The following CASR variants were observed in gnomAD, a reference collection of about 807,000 sequenced individuals.
CASR encodes the protein calcium sensing receptor.
Under a neutral mutation model 69.1 loss-of-function variants are expected in CASR, and 23 were observed. The ratio of observed to expected loss-of-function variants is 0.33; its 90% CI spans 0.24 to 0.47. The LOEUF is 0.47. Ranked by LOEUF, CASR falls within the 20% of genes least tolerant of loss-of-function variation. The pLI is 1.00. For missense variants in CASR, 924 were observed against 1,356.1 expected (o/e 0.68, Z 5.00); for synonymous variants, 541 against 544.7 (o/e 0.99, Z 0.10).
chr3:122,201,788 G>A (rs1386031500), intron 1 of CASR, among the ~76,000 whole-genome samples: 17 of 150,012 alleles, frequency 1.1e-4, no homozygotes, highest in East Asian at 3.9e-4. Flanking sequence ...ACGGGGCAGC[G>A]GGGCAGAGGT....
intron 1 of CASR, among the ~76,000 whole-genome samples, chr3:122,213,367 C>T (rs936824254): frequency 2.6e-5 from 4 of 152,134 alleles, no homozygotes; most frequent in African/African-American, 9.7e-5. Context: ...CCGTACCCAC[C>T]CAGGAAAACA....
At chr3:122,199,812 C>G (rs1049825328) in intron 1 of CASR, among the ~76,000 whole-genome samples, 1 of 150,056 alleles carries the variant, frequency 6.7e-6, no homozygotes, top group South Asian at 2.1e-4. Flanking sequence ...AGTTCAAGTG[C>G]TCTACAGGAC....
rs955217546 is a variant in CASR, at chr3:122,233,123, A to T, written c.-242-20825A>T. Among the ~76,000 whole-genome samples the T allele has an allele frequency of 2.6e-5, 4 of 152,290 alleles. No individual in the cohort carries two copies. In the East Asian group the frequency reaches 7.7e-4, roughly 29 times the overall value. ...CCTTCTAGACAAGATTTATTAAGATATGGAATCATAGAATTTACCCCTGCT... is the reference window on the plus strand; with the variant it reads ...CCTTCTAGACAAGATTTATTAAGATTTGGAATCATAGAATTTACCCCTGCT... On this transcript the variant is annotated intron_variant, in intron 1 of 6. Transcript: ENST00000639785.
At chr3:122,257,013 C>A in intron 2 of CASR, 68 bp from the exon 3 acceptor site, 1 of 1,347,370 alleles carries the variant, frequency 7.4e-7, no homozygotes, top group Non-Finnish European at 1.1e-6. Context: ...CCCAGCTTTG[C>A]CAGGTCTTTA....
In CASR at chr3:122,287,870, A is replaced by T. The variant is rs2074983649; in HGVS notation, c.*2679A>T. On this transcript the variant is annotated 3_prime_UTR_variant, in exon 7 of 7. Coordinates refer to ENST00000639785, the MANE Select transcript of CASR (RefSeq NM_000388.4). ...ATGTCTACTTGACTGCTGTCTCCCCATGACAGTACACAGAGCTTATGGAGG... is the reference window on the plus strand; with the variant it reads ...ATGTCTACTTGACTGCTGTCTCCCCTTGACAGTACACAGAGCTTATGGAGG... 1 of 152,204 alleles carries T rather than the reference A, an allele frequency of 6.6e-6. No homozygotes were observed. The highest frequency in any genetic ancestry group is 1.5e-5 in the Non-Finnish European group (1 of 68,052). The allele number at this position is 152,204 out of a possible 1,614,324, so 9.4% of individuals were successfully genotyped here. A position where few individuals can be genotyped will look rare whatever the true frequency, so the allele number is the denominator to read the frequency against.
intron 5 of CASR, among the ~76,000 whole-genome samples, chr3:122,281,223 G>A (rs757774266): frequency 4.6e-5 from 7 of 152,174 alleles, no homozygotes; most frequent in Non-Finnish European, 7.4e-5. Flanking sequence ...TGAAATTCTG[G>A]TAAGAACACT....
rs773857816 is a variant in CASR, at chr3:122,290,307, A to T, written c.*5116A>T. ...AATAGGTAAGAGATCAAAGCCCAAG[A>T]ATAAACCCTGGGGTCATTACAGGAT... On this transcript the variant is annotated 3_prime_UTR_variant, in exon 7 of 7. Transcript: ENST00000639785. The T allele has an allele frequency of 1.3e-5, 2 of 152,190 alleles. No homozygotes were observed. The highest frequency in any genetic ancestry group is 2.4e-5 in the African/African-American group (1 of 41,442). 9.4% of individuals were successfully genotyped at this position (152,190 alleles called of 1,614,324 possible).
chr3:122,241,181 A>G (rs900247543), intron 1 of CASR, among the ~76,000 whole-genome samples: 1 of 152,138 alleles, frequency 6.6e-6, no homozygotes, highest in African/African-American at 2.4e-5. Context: ...AATAATAAAG[A>G]TCAGAGCAGA....
chr3:122,211,477 G>A (rs750991614), intron 1 of CASR, among the ~76,000 whole-genome samples: 51 of 152,356 alleles, frequency 3.3e-4, no homozygotes, highest in Non-Finnish European at 6.5e-4. Context: ...GGAGGCCAAG[G>A]CAGGTGGATC....
At chr3:122,248,538 C>A (rs189010089) in intron 1 of CASR, among the ~76,000 whole-genome samples, 1 of 151,390 alleles carries the variant, frequency 6.6e-6, no homozygotes, top group Non-Finnish European at 1.5e-5. Context: ...AGTGTACTCA[C>A]GTTATGGAGA....
intron 1 of CASR, among the ~76,000 whole-genome samples, chr3:122,194,393 T>C (rs887925694): frequency 6.6e-6 from 1 of 152,152 alleles, no homozygotes; most frequent in Admixed American, 6.5e-5. Context: ...GGAACAGCCA[T>C]GGTGAGGACT....
Position 122,254,223 on chromosome 3 carries a change from G to C in CASR, c.34G>C (p.Ala12Pro). ...TTATAGCTGCTGCTGGGTCCTCTTG[G>C]CACTCACCTGGCACACCTCTGCCTA... ...AFYSCCWVLLALTWHTSAYGP... is the reference protein window; with the variant it reads ...AFYSCCWVLLPLTWHTSAYGP... The change falls in exon 2 of 7, where the codon GCA (alanine) becomes CCA (proline). Residue 12 changes from alanine (A) to proline (P), a missense_variant. Physicochemically the swap from Ala to Pro is conservative, Grantham distance 27. Around this residue, in one of 8 missense-constraint regions of CASR, gnomAD observed 28 missense variants for 22.1 expected, o/e 1.27. Coordinates refer to ENST00000639785, the MANE Select transcript of CASR (RefSeq NM_000388.4). The C allele has an allele frequency of 6.2e-7, 1 of 1,613,570 alleles. No homozygotes were observed. Among genetic ancestry groups the C allele is most frequent in the East Asian group, 2.2e-5 (1 of 44,882 alleles).
Position 122,284,155 on chromosome 3 carries a change from T to G in CASR, c.2201T>G (p.Met734Arg). The change falls in exon 7 of 7, where the codon ATG becomes AGG. Residue 734 changes from methionine to arginine, a missense_variant. This residue lies in a region of CASR where 184 missense variants were observed against 278.8 expected (regional missense o/e 0.66). Transcript: ENST00000639785. ...QFLLVFLCTF[M>R]QIVICVIWLY... The stretch of plus-strand genomic sequence containing the variant: ...CTGCTGGTTTTCCTCTGCACCTTCA[T>G]GCAGATTGTCATCTGTGTGATCTGG... 6.2e-7 allele frequency: 1 copy of G among 1,613,634 alleles called. No homozygotes were observed. The highest frequency in any genetic ancestry group is 1.1e-5 in the South Asian group (1 of 91,072).
At chr3:122,271,812 C>A (rs571363370) in intron 4 of CASR, among the ~76,000 whole-genome samples, 24 of 152,312 alleles carry the variant, frequency 1.6e-4, no homozygotes, top group African/African-American at 5.8e-4. Flanking sequence ...TGCTTCTATA[C>A]ATTTGGACTT....
At chr3:122,226,431 A>G (rs1559944522) in intron 1 of CASR, among the ~76,000 whole-genome samples, 1 of 152,170 alleles carries the variant, frequency 6.6e-6, no homozygotes, top group South Asian at 2.1e-4. Flanking sequence ...GAACCCAAAG[A>G]GTGAGCAGTA....
rs1282137126 is a variant in CASR at position 122,291,018 on chromosome 3, T to C, written c.*5827T>C. ...CCTTGTATTAGTTTGCTGAGAATGA[T>C]GGTTTCCAGCTTCATCCATGTCCCT... is the stretch of plus-strand genomic sequence containing the variant. On this transcript the variant is annotated 3_prime_UTR_variant, in exon 7 of 7. Coordinates refer to ENST00000639785, the MANE Select transcript of CASR (RefSeq NM_000388.4). The C allele has an allele frequency of 1.3e-5, 2 of 151,402 alleles. No individual in the cohort carries two copies. The highest frequency in any genetic ancestry group is 4.8e-5 in the African/African-American group (2 of 41,246). 9.4% of individuals were successfully genotyped at this position (151,402 alleles called of 1,614,324 possible).
chr3:122,194,969 C>A (rs574940483), intron 1 of CASR, among the ~76,000 whole-genome samples: 1 of 149,956 alleles, frequency 6.7e-6, no homozygotes, highest in South Asian at 2.1e-4. Flanking sequence ...CTCCTCCTTT[C>A]TTCTTCTTAC....
At chr3:122,185,852 T>G (rs61472976) in intron 1 of CASR, among the ~76,000 whole-genome samples, 6,788 of 151,910 alleles carry the variant, frequency 0.045, 389 homozygotes, top group East Asian at 0.33. Flanking sequence ...GTAGGAGAAG[T>G]TGGAGGGGAA....
rs1366893668 is a variant in CASR, at chr3:122,291,232, T to C, written c.*6041T>C. Reference sequence around the variant, plus strand: ...TATAGCAGCATGATTTCTAATCCTTTGGGTATATACCCAGTAATGGGATGG... The same window carrying C: ...TATAGCAGCATGATTTCTAATCCTTCGGGTATATACCCAGTAATGGGATGG... On this transcript the variant is annotated 3_prime_UTR_variant, in exon 7 of 7. Transcript: ENST00000639785. The C allele has an allele frequency of 2.0e-5, 3 of 151,624 alleles. No homozygotes were observed. Among genetic ancestry groups the C allele is most frequent in the African/African-American group, 4.9e-5 (2 of 41,220 alleles). The allele number at this position is 151,624 out of a possible 1,614,324, so 9.4% of individuals were successfully genotyped here.
Sources: allele counts gnomAD v4.1 joint callset (sites outside exome capture counted in the v4.1 genomes callset), GRCh38; gene constraint gnomAD v4.1.1; regional missense constraint gnomAD v4.1.1; transcripts MANE v1.5; gene names NCBI Gene and HGNC (gene_info 2026-07-23, HGNC 2026-07-21).